TRDMT1: variants seen among roughly 807,000 people sequenced by gnomAD.
TRDMT1 encodes the protein tRNA aspartic acid methyltransferase 1.
A neutral mutation model predicts 51.2 loss-of-function variants in TRDMT1; 49 were observed. The observed-to-expected ratio is 0.96, with a 90% CI of 0.76 to 1.21. The LOEUF is 1.21. Ranked by LOEUF, TRDMT1 falls within the 50% of genes most tolerant of loss-of-function variation. The pLI, the probability that TRDMT1 is intolerant of heterozygous loss-of-function variation, is 0.00. For missense variants in TRDMT1, 534 were observed against 462.3 expected (o/e 1.16, Z -1.42); for synonymous variants, 187 against 164.6 (o/e 1.14, Z -1.04).
At position 17,146,066 on chromosome 10, in the gene TRDMT1, A is replaced by T; in HGVS notation, c.*2974T>A. On this transcript the variant is annotated 3_prime_UTR_variant, in exon 11 of 11. Coordinates refer to ENST00000377799, the MANE Select transcript of TRDMT1 (RefSeq NM_004412.7). ...CATCTCTAACCCCATCCAATTTTACATCCCACATGGTAGCAATACAGCCTT... is the reference window on the plus strand; with the variant it reads ...CATCTCTAACCCCATCCAATTTTACTTCCCACATGGTAGCAATACAGCCTT... The T allele has an allele frequency of 1.0e-6, 1 of 985,370 alleles. No homozygotes were observed. Among genetic ancestry groups the T allele is most frequent in the Non-Finnish European group, 1.2e-6 (1 of 829,916 alleles). The allele number at this position is 985,370 out of a possible 1,614,324, so 61.0% of individuals were successfully genotyped here.
At chr10:17,189,242 T>C (rs1249219527) in intron 1 of TRDMT1, among the ~76,000 whole-genome samples, 1 of 152,222 alleles carries the variant, frequency 6.6e-6, no homozygotes, top group Non-Finnish European at 1.5e-5. Context: ...TATTTGTATT[T>C]TGTTTTTGTT....
At chr10:17,169,159 G>A (rs142267284) in intron 2 of TRDMT1, among the ~76,000 whole-genome samples, 109 of 152,292 alleles carry the variant, frequency 7.2e-4, no homozygotes, top group African/African-American at 2.6e-3. Context: ...GCCCAGAGCT[G>A]GAACAGTTGT....
chr10:17,173,263 T>TA (rs1383403578), intron 2 of TRDMT1, among the ~76,000 whole-genome samples: 1 of 152,120 alleles, frequency 6.6e-6, no homozygotes, highest in Non-Finnish European at 1.5e-5. Flanking sequence ...CTTGTAATGG[T>TA]AAAAAACTAG....
chr10:17,201,432 G>C (rs1846149807), intron 1 of TRDMT1, 139 bp downstream of exon 1: 2 of 792,804 alleles, frequency 2.5e-6, no homozygotes, highest in Non-Finnish European at 3.7e-6. Flanking sequence ...GCTGTTTCCA[G>C]GACAACCGAG....
chr10:17,171,837 T>C (rs1842061409), intron 2 of TRDMT1: 1 of 153,876 alleles, frequency 6.5e-6, no homozygotes, highest in African/African-American at 2.4e-5. Flanking sequence ...CTAGATTAAG[T>C]GATGCAGTCA....
chr10:17,142,328 G>T lies in TRDMT1; in HGVS notation c.*6712C>A, dbSNP rs951829298. 1 of 152,160 alleles carries T rather than the reference G, an allele frequency of 6.6e-6. No individual in the cohort carries two copies. The highest frequency in any genetic ancestry group is 2.4e-5 in the African/African-American group (1 of 41,420). The allele number at this position is 152,160 out of a possible 1,614,324, so 9.4% of individuals were successfully genotyped here. ...GCAAGCCCTGGCTTAGTTTTTGTGGGCTATGAGTCCAGTGGTAATTTAGTT... is the reference window on the plus strand; with the variant it reads ...GCAAGCCCTGGCTTAGTTTTTGTGGTCTATGAGTCCAGTGGTAATTTAGTT... On this transcript the variant is annotated 3_prime_UTR_variant, in exon 11 of 11. Transcript: ENST00000377799.
chr10:17,177,100 AT>A (rs1235012413), intron 1 of TRDMT1, among the ~76,000 whole-genome samples: 2 of 151,834 alleles, frequency 1.3e-5, no homozygotes, highest in Non-Finnish European at 2.9e-5. Flanking sequence ...TTCAGTTATT[AT>A]TCAGGATTTC....
intron 1 of TRDMT1, among the ~76,000 whole-genome samples, chr10:17,187,442 C>T (rs1002490486): frequency 3.3e-5 from 5 of 152,090 alleles, no homozygotes; most frequent in African/African-American, 1.2e-4. Flanking sequence ...ATTTGACAAT[C>T]ATCAACAACC....
chr10:17,159,291 G>C, intron 6 of TRDMT1, 62 bp from the exon 7 acceptor site: 1 of 1,222,220 alleles, frequency 8.2e-7, no homozygotes, highest in Non-Finnish European at 1.2e-6. Context: ...ACCAACTTTA[G>C]CACCAAGTTA....
rs994755230 is a variant in TRDMT1 at position 17,169,394 on chromosome 10, A to G, written c.175-477T>C. On this transcript the variant is annotated intron_variant, in intron 2 of 10. Transcript: ENST00000377799. The stretch of plus-strand genomic sequence containing the variant: ...ATATACATCTGTTAATATATTATCA[A>G]ATGGAAAAGGGCCTCATTCTCAGAT... 3.1e-5 allele frequency: 40 copies of G among 1,279,526 alleles called. No individual in the cohort carries two copies. In the African/African-American group the frequency reaches 5.3e-4, roughly 17 times the overall value. 79.3% of individuals were successfully genotyped at this position (1,279,526 alleles called of 1,614,324 possible).
intron 1 of TRDMT1, among the ~76,000 whole-genome samples, chr10:17,196,482 GAT>G (rs1245083774): frequency 1.3e-5 from 2 of 152,228 alleles, no homozygotes; most frequent in African/African-American, 2.4e-5. Context: ...AGGCTCCACT[GAT>G]ATATAACCTG....
chr10:17,187,128 A>G (rs1052491811), intron 1 of TRDMT1, among the ~76,000 whole-genome samples: 1 of 152,216 alleles, frequency 6.6e-6, no homozygotes, highest in Non-Finnish European at 1.5e-5. Flanking sequence ...GTCTCGTTCA[A>G]TGCTGTATCC....
At chr10:17,178,266 CTTAG>C (rs1049606417) in intron 1 of TRDMT1, among the ~76,000 whole-genome samples, 1 of 152,112 alleles carries the variant, frequency 6.6e-6, no homozygotes, top group African/African-American at 2.4e-5. Flanking sequence ...AAAGTGCTGG[CTTAG>C]TTAGGAATAA....
intron 1 of TRDMT1, among the ~76,000 whole-genome samples, chr10:17,176,833 A>C (rs541937311): frequency 3.0e-4 from 45 of 152,298 alleles, no homozygotes; most frequent in Admixed American, 8.5e-4. Context: ...TTAAATCTAC[A>C]ATCTCCAAAA....
chr10:17,150,210 G>C, intron 10 of TRDMT1: 1 of 192,064 alleles, frequency 5.2e-6, no homozygotes, highest in Non-Finnish European at 9.6e-6. Context: ...ATTGTGATTT[G>C]ATTTACATTT....
chr10:17,161,563 A>G lies in TRDMT1; in HGVS notation c.324-15T>C, dbSNP rs1194808984. The stretch of plus-strand genomic sequence containing the variant: ...ATTTTTGTAATCTATAAAAAAATAA[A>G]CAAATGGAATTCTAAATATCTCATT... On this transcript the variant is annotated splice_polypyrimidine_tract_variant and intron_variant, in intron 4 of 10. Coordinates refer to ENST00000377799, the MANE Select transcript of TRDMT1 (RefSeq NM_004412.7). The G allele has an allele frequency of 1.6e-6, 2 of 1,215,542 alleles. No homozygotes were observed. The highest frequency in any genetic ancestry group is 1.5e-5 in the South Asian group (1 of 65,170). The allele number at this position is 1,215,542 out of a possible 1,614,324, so 75.3% of individuals were successfully genotyped here. A position where few individuals can be genotyped will look rare whatever the true frequency, so the allele number is the denominator to read the frequency against.
chr10:17,149,881 C>G (rs954377896), intron 10 of TRDMT1, among the ~76,000 whole-genome samples: 1 of 152,062 alleles, frequency 6.6e-6, no homozygotes, highest in African/African-American at 2.4e-5. Flanking sequence ...TCCATTCATT[C>G]GTTCATAGAC....
chr10:17,150,686 G>A, intron 10 of TRDMT1: 1 of 984,752 alleles, frequency 1.0e-6, no homozygotes, highest in Non-Finnish European at 1.2e-6. Flanking sequence ...ATACTCATGA[G>A]GACAGGAAGG....
At chr10:17,159,103 T>G in intron 7 of TRDMT1, 43 bp downstream of exon 7, 1 of 1,280,038 alleles carries the variant, frequency 7.8e-7, no homozygotes, top group Non-Finnish European at 1.1e-6. Flanking sequence ...ATATTTATAA[T>G]AAATAAGCCA....
Sources: allele counts gnomAD v4.1 joint callset (sites outside exome capture counted in the v4.1 genomes callset), GRCh38; gene constraint gnomAD v4.1.1; transcripts MANE v1.5; gene names NCBI Gene and HGNC (gene_info 2026-07-23, HGNC 2026-07-21).